The following SLC26A1 variants were observed in gnomAD, a reference collection of about 807,000 sequenced individuals.
The protein encoded by SLC26A1 is solute carrier family 26 member 1.
SLC26A1 carries 18 observed loss-of-function variants against 14.5 expected under a neutral mutation model. The observed-to-expected ratio is 1.24, with a 90% CI of 0.86 to 1.84. The LOEUF (loss-of-function observed/expected upper bound fraction) is 1.84, where lower values mean the gene tolerates loss of function less well. Ranked by LOEUF, SLC26A1 falls within the 40% of genes most tolerant of loss-of-function variation. The probability of loss-of-function intolerance (pLI) is 0.00; values close to 1 mark genes in which losing one functional copy is unlikely to be tolerated. For synonymous variants in SLC26A1, 505 were observed against 492.0 expected, an observed-to-expected ratio of 1.03 and a Z score of -0.35; for missense variants, 1,049 against 1,020.0, an observed-to-expected ratio of 1.03 and a Z score of -0.39.
downstream of SLC26A1, among the ~76,000 whole-genome samples, chr4:986,640 C>T (rs1240612571): frequency 6.6e-6 from 1 of 152,180 alleles, no homozygotes; most frequent in African/African-American, 2.4e-5. Flanking sequence ...CTAAAGCGCA[C>T]GCTTTACTCA....
rs754876472 is a variant in SLC26A1 at position 989,308 on chromosome 4, C to T, written c.1631G>A (p.Gly544Glu). 28 of 1,611,794 alleles carry T rather than the reference C, an allele frequency of 1.7e-5. 2 individuals carry two copies. The South Asian group carries it at 2.5e-4, about 15-fold the overall frequency. The change falls in exon 3 of 3, where the codon GGG (glycine) becomes GAG (glutamate). Residue 544 changes from glycine (G) to glutamate (E), a missense_variant. Coordinates refer to ENST00000398516, the MANE Select transcript of SLC26A1 (RefSeq NM_022042.4). ...GTCCTTGTTGGCATAGTACAGCGGC[C>T]CCCCAAAGCGGAACACCCGCACGCC... ...EPGVRVFRFG[G>E]PLYYANKDFF...
rs1157770723 is a variant in SLC26A1, at chr4:990,370, C to T, written c.577-8G>A. 1.5e-5 allele frequency: 24 copies of T among 1,586,238 alleles called. No individual in the cohort carries two copies. The highest frequency in any genetic ancestry group is 1.8e-4 in the Middle Eastern group (1 of 5,612). ...GAGGACGCCCATGAGGACCTGTGGA[C>T]GGAGTGCGGTCAGGCCAGCAGGCGC... On this transcript the variant is annotated splice_region_variant and splice_polypyrimidine_tract_variant and intron_variant, in intron 2 of 2. Transcript: ENST00000398516.
chr4:990,131 A>C lies in SLC26A1; in HGVS notation c.808T>G (p.Cys270Gly), dbSNP rs1343464853. The change falls in exon 3 of 3, where the codon TGC becomes GGC. Residue 270 changes from cysteine to glycine, a missense_variant. Cys to Gly is a radical substitution (Grantham distance 159). Transcript: ENST00000398516. ...TTCGCGGCTAGCAGCACCGCCAGGC[A>C]CACCGTGCTGGTGACCACGTCGCAC... Reference protein sequence around the residue: ...NVCDVVTSTVCLAVLLAAKEL... With the variant: ...NVCDVVTSTVGLAVLLAAKEL... 2 of 1,574,156 alleles carry C rather than the reference A, an allele frequency of 1.3e-6. No homozygotes were observed. The highest frequency in any genetic ancestry group is 1.7e-6 in the Non-Finnish European group (2 of 1,161,350).
Position 989,527 on chromosome 4 carries a change from G to C in SLC26A1, c.1412C>G (p.Ala471Gly). ...PRLWRMSPAD[A>G]LVWAGTAATC... ...GGCCGCGGTGCCTGCCCAGACCAGC[G>C]CGTCAGCCGGGCTCATCCGCCACAG... Residue 471 changes from alanine to glycine, a missense_variant, in exon 3 of 3, where the codon GCG (alanine) becomes GGG (glycine). By Grantham distance (60) the Ala-to-Gly change is moderately conservative. Coordinates refer to ENST00000398516, the MANE Select transcript of SLC26A1 (RefSeq NM_022042.4). 1.3e-6 allele frequency: 2 copies of C among 1,555,686 alleles called. No homozygotes were observed. The highest frequency in any genetic ancestry group is 1.7e-6 in the Non-Finnish European group (2 of 1,150,558).
At position 991,373 on chromosome 4, in the gene SLC26A1, T is replaced by A; in HGVS notation, c.331A>T (p.Ile111Phe). ...SLYTSFFANL[I>F]YFLMGTSRHV... ...CGTGAGGTGCCCATGAGGAAGTAGA[T>A]GAGGTTGGCGAAGAAGGACGTATAG... is the stretch of plus-strand genomic sequence containing the variant. Residue 111 changes from isoleucine (I) to phenylalanine (F), a missense_variant, in exon 2 of 3, where the codon ATC becomes TTC. Ile to Phe is a conservative substitution (Grantham distance 21). Transcript: ENST00000398516. The A allele has an allele frequency of 6.2e-7, 1 of 1,612,494 alleles. No individual in the cohort carries two copies. The highest frequency in any genetic ancestry group is 8.5e-7 in the Non-Finnish European group (1 of 1,179,870).
In SLC26A1 at chr4:989,582, C is replaced by T. The variant is rs760755511; in HGVS notation, c.1357G>A (p.Ala453Thr). The change falls in exon 3 of 3, where the codon GCC (alanine) becomes ACC (threonine). Residue 453 changes from alanine (A) to threonine (T), a missense_variant. Transcript: ENST00000398516. ...GGGAGGTCCCACACCTTGCGCAGGG[C>T]CCCCCGCAGGCTGACCACGATGACG... ...ACVIVVSLRG[A>T]LRKVWDLPRL... 1.9e-6 allele frequency: 3 copies of T among 1,596,376 alleles called. No individual in the cohort carries two copies. Among genetic ancestry groups the T allele is most frequent in the Non-Finnish European group, 1.7e-6 (2 of 1,173,320 alleles).
At chr4:987,011 G>A, downstream of SLC26A1, 2 of 1,418,450 alleles carry the variant, frequency 1.4e-6, no homozygotes, top group Non-Finnish European at 1.9e-6. Context: ...CATGGGGTGC[G>A]CGCCCAGACT....
At chr4:981,951 C>T (rs1713556088) in intron 2 of SLC26A1, among the ~76,000 whole-genome samples, 1 of 152,172 alleles carries the variant, frequency 6.6e-6, no homozygotes, top group African/African-American at 2.4e-5. Flanking sequence ...TCCCAAGTAG[C>T]TGGGACTACA....
chr4:986,442 C>G (rs555161620), downstream of SLC26A1, among the ~76,000 whole-genome samples: 4 of 152,322 alleles, frequency 2.6e-5, no homozygotes, highest in East Asian at 5.8e-4. Flanking sequence ...ATCAAGATTA[C>G]TTATAGTCCC....
At position 980,511 on chromosome 4, in the gene SLC26A1, G is replaced by C. The variant is rs11728939; in HGVS notation, c.577-1007C>G. Reference sequence around the variant, plus strand: ...TGAGGCAGGAGAATCGCTTGAACCCGGGAGGTGGAGGCTGCAGTGAGCCAG... The same window carrying C: ...TGAGGCAGGAGAATCGCTTGAACCCCGGAGGTGGAGGCTGCAGTGAGCCAG... On this transcript the variant is annotated intron_variant, in intron 2 of 2. Transcript: ENST00000398520. Among the ~76,000 whole-genome samples, 436 of 151,636 alleles carry C rather than the reference G, an allele frequency of 2.9e-3. 2 individuals are homozygous for C. Among genetic ancestry groups the C allele is most frequent in the Non-Finnish European group, 4.9e-3 (332 of 67,894 alleles).
In SLC26A1 at chr4:988,110, C is replaced by T; in HGVS notation, c.*723G>A. On this transcript the variant is annotated 3_prime_UTR_variant, in exon 3 of 3. Transcript: ENST00000398516. ...CTTGCTGGCTGTGCTGGGGTGAGGG[C>T]TGTGTGCTGGAGGGAGCCCCTGCAT... The T allele has an allele frequency of 7.0e-7, 1 of 1,436,330 alleles. No individual in the cohort carries two copies. The highest frequency in any genetic ancestry group is 1.5e-5 in the South Asian group (1 of 68,378). The allele number at this position is 1,436,330 out of a possible 1,614,324, so 89.0% of individuals were successfully genotyped here.
In SLC26A1 at chr4:990,192, C is replaced by T. The variant is rs536555705; in HGVS notation, c.747G>A (p.Trp249Ter). The change falls in exon 3 of 3, where the codon TGG becomes TGA. Residue 249 changes from tryptophan (W) to a stop codon, truncating the protein, a stop_gained. Transcript: ENST00000398516. LOFTEE classifies it low-confidence loss of function (END_TRUNC). Reference sequence around the variant, plus strand: ...GCCCGGCGCCGCGCAGCAGGCTCAGCCATGTGAGGACCACCATGCCGGGCC... The same window carrying T: ...GCCCGGCGCCGCGCAGCAGGCTCAGTCATGTGAGGACCACCATGCCGGGCC... ...HQGPGMVVLT[W>*]LSLLRGAGQA... is the part of the protein sequence containing the mutation. 109 of 1,561,430 alleles carry T rather than the reference C, an allele frequency of 7.0e-5. 1 individual carries two copies. In the East Asian group the frequency reaches 1.5e-3, roughly 21 times the overall value.
At chr4:990,874 G>A (rs1714236135) in intron 2 of SLC26A1, 2 of 501,454 alleles carry the variant, frequency 4.0e-6, no homozygotes, top group Admixed American at 3.7e-5. Flanking sequence ...CACCTGGCCT[G>A]CTGGTCCCCA....
chr4:984,724 A>C (rs1713646867), downstream of SLC26A1, among the ~76,000 whole-genome samples: 1 of 152,138 alleles, frequency 6.6e-6, no homozygotes, highest in African/African-American at 2.4e-5. Flanking sequence ...CCAGCTACTC[A>C]GGAGGCTGAG....
Position 990,286 on chromosome 4 carries a change from C to T in SLC26A1, c.653G>A (p.Gly218Glu). The T allele has an allele frequency of 1.2e-6, 2 of 1,602,562 alleles. No homozygotes were observed. Among genetic ancestry groups the T allele is most frequent in the South Asian group, 1.1e-5 (1 of 88,700 alleles). Residue 218 changes from glycine to glutamate, a missense_variant, in exon 3 of 3, where the codon GGG becomes GAG. Physicochemically the swap from Gly to Glu is moderately conservative, Grantham distance 98. Transcript: ENST00000398516. Reference protein sequence around the residue: ...SQPLLDGFAMGASVTILTSQL... With the variant: ...SQPLLDGFAMEASVTILTSQL... Reference sequence around the variant, plus strand: ...CGAGGTCAGGATGGTCACGGAGGCCCCCATGGCAAAGCCATCGAGCAGTGG... The same window carrying T: ...CGAGGTCAGGATGGTCACGGAGGCCTCCATGGCAAAGCCATCGAGCAGTGG...
At chr4:982,504 G>A (rs954649800) in intron 2 of SLC26A1, among the ~76,000 whole-genome samples, 2 of 152,226 alleles carry the variant, frequency 1.3e-5, no homozygotes, top group African/African-American at 2.4e-5. Flanking sequence ...TGGGGAGCCC[G>A]GTGGACGGCT....
intron 1 of SLC26A1, 68 bp from the exon 2 acceptor site, chr4:991,798 C>A: frequency 6.5e-7 from 1 of 1,530,700 alleles, no homozygotes; most frequent in Non-Finnish European, 8.7e-7. Flanking sequence ...AGGTCCCCGG[C>A]AGCAACGGGC....
At chr4:982,577 G>A (rs930246212) in intron 2 of SLC26A1, among the ~76,000 whole-genome samples, 1 of 152,238 alleles carries the variant, frequency 6.6e-6, no homozygotes, top group Non-Finnish European at 1.5e-5. Context: ...TGTGCCAGGC[G>A]TGGTCTCAGC....
Position 991,181 on chromosome 4 carries a change from A to T in SLC26A1, c.523T>A (p.Cys175Ser), listed in dbSNP as rs1201768033. Residue 175 changes from cysteine to serine, a missense_variant, in exon 2 of 3, where the codon TGC (cysteine) becomes AGC (serine). Transcript: ENST00000398516. ...GCGGTGGCGACACGGATGGCGTAGC[A>T]GTCACGCCCGCAGTCCAGCATGGCA... ...SAAMLDCGRD[C>S]YAIRVATALT... 1 of 1,585,022 alleles carries T rather than the reference A, an allele frequency of 6.3e-7. No individual in the cohort carries two copies. Among genetic ancestry groups the T allele is most frequent in the Non-Finnish European group, 8.6e-7 (1 of 1,163,314 alleles).
Sources: gnomAD v4.1 joint callset for allele counts (sites outside exome capture counted in the v4.1 genomes callset) on GRCh38, gnomAD v4.1.1 for gene constraint, MANE v1.5 for transcripts, NCBI Gene and HGNC (gene_info 2026-07-23, HGNC 2026-07-21) for gene names.